The following ZNF407 variants were observed in gnomAD, a reference collection of about 807,000 sequenced individuals.
The protein encoded by ZNF407 is zinc finger protein 407.
In ZNF407, 17 loss-of-function variants were observed where a neutral mutation model predicts 131.2. That is an observed-to-expected ratio of 0.13 (90% CI 0.09 to 0.19). The LOEUF is 0.19. Among genes scored for constraint, ZNF407 ranks in the 10% least tolerant of loss-of-function variants. The pLI is 1.00. For missense variants in ZNF407, 2,681 were observed against 2,830.6 expected, an observed-to-expected ratio of 0.95 and a Z score of 1.20; for synonymous variants, 1,156 against 1,062.0, an observed-to-expected ratio of 1.09 and a Z score of -1.72.
chr18:75,058,552 C>CT (rs1208996330), intron 8 of ZNF407, among the ~76,000 whole-genome samples: 5 of 152,152 alleles, frequency 3.3e-5, no homozygotes, highest in African/African-American at 1.2e-4. Flanking sequence ...CTGACACTGT[C>CT]TTTTTTAAAG....
At chr18:74,845,372 C>T (rs1277482938) in intron 4 of ZNF407, among the ~76,000 whole-genome samples, 1 of 152,194 alleles carries the variant, frequency 6.6e-6, no homozygotes, top group African/African-American at 2.4e-5. Flanking sequence ...TTAGCTTCTA[C>T]AACTTTTCAG....
chr18:74,803,146 A>C (rs902374821), intron 4 of ZNF407, among the ~76,000 whole-genome samples: 3 of 152,226 alleles, frequency 2.0e-5, no homozygotes, highest in African/African-American at 7.2e-5. Flanking sequence ...TGTCAGAGTC[A>C]AAAGAAAGCC....
At chr18:74,845,216 T>A (rs150623986) in intron 4 of ZNF407, among the ~76,000 whole-genome samples, 247 of 152,350 alleles carry the variant, frequency 1.6e-3, no homozygotes, top group Middle Eastern at 0.014. Context: ...AGCACTGTGA[T>A]ATGTTGGTGA....
At chr18:74,969,809 T>C (rs1436986353) in intron 8 of ZNF407, among the ~76,000 whole-genome samples, 1 of 152,206 alleles carries the variant, frequency 6.6e-6, no homozygotes, top group Non-Finnish European at 1.5e-5. Flanking sequence ...TATTGATGGT[T>C]TGGTTAAGTG....
chr18:74,978,986 A>G (rs1972558041), intron 8 of ZNF407, among the ~76,000 whole-genome samples: 1 of 152,092 alleles, frequency 6.6e-6, no homozygotes, highest in Non-Finnish European at 1.5e-5. Flanking sequence ...GCTGCTGTGT[A>G]GTTTGAAGGG....
chr18:74,975,405 G>A (rs966354838), intron 8 of ZNF407, among the ~76,000 whole-genome samples: 2 of 152,014 alleles, frequency 1.3e-5, no homozygotes, highest in African/African-American at 2.4e-5. Flanking sequence ...TAGCCAAGTC[G>A]GTTTGAAAAT....
At chr18:74,853,132 C>T (rs1395330793) in intron 4 of ZNF407, among the ~76,000 whole-genome samples, 1 of 152,156 alleles carries the variant, frequency 6.6e-6, no homozygotes, top group Non-Finnish European at 1.5e-5. Flanking sequence ...GTGTGTACAT[C>T]TTTGCTACAC....
intron 4 of ZNF407, among the ~76,000 whole-genome samples, chr18:74,822,499 A>C (rs972322555): frequency 1.3e-5 from 2 of 152,084 alleles, no homozygotes; most frequent in African/African-American, 4.8e-5. Flanking sequence ...CCAGTTTTCC[A>C]AACACCATTT....
At chr18:74,942,795 A>AT (rs1972114435) in intron 8 of ZNF407, among the ~76,000 whole-genome samples, 1 of 152,170 alleles carries the variant, frequency 6.6e-6, no homozygotes, top group South Asian at 2.1e-4. Context: ...CTTGGCTGAT[A>AT]TGCATGTGTT....
intron 5 of ZNF407, among the ~76,000 whole-genome samples, chr18:74,879,284 T>C (rs746297677): frequency 4.6e-5 from 7 of 152,172 alleles, no homozygotes; most frequent in Non-Finnish European, 1.0e-4. Flanking sequence ...AAGATTGCTC[T>C]TTCCTCATTA....
rs551379367 is a variant in ZNF407 at position 75,063,720 on chromosome 18, GGGAGGT to G, written c.6005_6010del (p.Val2002_Glu2003del). On this transcript the variant is annotated inframe_deletion, in exon 9 of 9. Transcript: ENST00000299687. The surrounding 1 kb of genome is among the most constrained non-coding windows in gnomAD (Gnocchi z 6.6). ...TTGCTCTGTGCGGTCACTGAATTAG[GGGAGGT>G]GGAGGGCAGGGCTGGGCTCGAGGAG... 368 of 1,612,452 alleles carry G rather than the reference GGGAGGT, an allele frequency of 2.3e-4. 5 individuals carry two copies. In the South Asian group the frequency reaches 3.8e-3, roughly 17 times the overall value.
At chr18:74,725,614 T>G (rs1968138887) in intron 3 of ZNF407, among the ~76,000 whole-genome samples, 1 of 152,116 alleles carries the variant, frequency 6.6e-6, no homozygotes, top group African/African-American at 2.4e-5. Context: ...TTTTTATTTA[T>G]TTATTTATTT....
intron 4 of ZNF407, among the ~76,000 whole-genome samples, chr18:74,809,164 T>C (rs1211793447): frequency 6.6e-6 from 1 of 152,192 alleles, no homozygotes; most frequent in African/African-American, 2.4e-5. Flanking sequence ...CGCCATGCAA[T>C]TTTATGCAAA....
chr18:74,604,652 C>A (rs1287424617), intron 1 of ZNF407, among the ~76,000 whole-genome samples: 1 of 152,192 alleles, frequency 6.6e-6, no homozygotes, highest in African/African-American at 2.4e-5. Context: ...ATTCCATAGG[C>A]TTAGCTTCTA....
intron 8 of ZNF407, among the ~76,000 whole-genome samples, chr18:74,963,364 C>A (rs1972370866): frequency 6.6e-6 from 1 of 152,180 alleles, no homozygotes; most frequent in Non-Finnish European, 1.5e-5. Flanking sequence ...TGTCTCCTTA[C>A]AACTGTACCC....
intron 3 of ZNF407, among the ~76,000 whole-genome samples, chr18:74,659,285 C>T (rs1398048264): frequency 1.3e-5 from 2 of 151,870 alleles, no homozygotes; most frequent in African/African-American, 4.8e-5. Context: ...AATGCTTAAC[C>T]TATGTAGAGC....
intron 4 of ZNF407, among the ~76,000 whole-genome samples, chr18:74,789,024 G>A (rs1033236319): frequency 2.6e-5 from 4 of 151,944 alleles, no homozygotes; most frequent in African/African-American, 4.8e-5. Flanking sequence ...TACTATGTTC[G>A]AAGACTTAGG....
intron 3 of ZNF407, among the ~76,000 whole-genome samples, chr18:74,644,750 A>G (rs993455127): frequency 7.2e-5 from 11 of 151,926 alleles, no homozygotes; most frequent in African/African-American, 2.7e-4. Flanking sequence ...GTTTTCAGTG[A>G]TGTACTTAAA....
chr18:74,602,301 TAG>T (rs1982619297), intron 1 of ZNF407, among the ~76,000 whole-genome samples: 1 of 152,182 alleles, frequency 6.6e-6, no homozygotes, highest in African/African-American at 2.4e-5. Context: ...CGGGAGAAGG[TAG>T]AGAGAGATGA....
Sources: gnomAD v4.1 joint callset for allele counts (sites outside exome capture counted in the v4.1 genomes callset) on GRCh38, gnomAD v4.1.1 for gene constraint, Gnocchi (gnomAD v3.1) non-coding constraint, MANE v1.5 for transcripts, NCBI Gene and HGNC (gene_info 2026-07-23, HGNC 2026-07-21) for gene names.